Variants in IL1RAPL2 observed in about 807,000 individuals in gnomAD.
The protein encoded by IL1RAPL2 is X-linked interleukin-1 receptor accessory protein-like 2.
In IL1RAPL2, 3 loss-of-function variants were observed where a neutral mutation model predicts 44.1. The observed-to-expected ratio is 0.07, with a 90% confidence interval of 0.03 to 0.18. The LOEUF (loss-of-function observed/expected upper bound fraction) is 0.18, where lower values mean the gene tolerates loss of function less well. IL1RAPL2 is among the 10% of genes least tolerant of loss of function. The pLI, the probability that IL1RAPL2 is intolerant of heterozygous loss-of-function variation, is 1.00. For synonymous variants in IL1RAPL2, 181 were observed against 178.8 expected, an observed-to-expected ratio of 1.01 and a Z score of -0.10; for missense variants, 391 against 496.4, an observed-to-expected ratio of 0.79 and a Z score of 2.02.
chrX:105,425,039 G>T (rs1032897540), intron 5 of IL1RAPL2, among the ~76,000 whole-genome samples: 5 of 110,444 alleles, frequency 4.5e-5, no homozygotes, highest in African/African-American at 1.7e-4. Context: ...AAGAAATCCA[G>T]GGCAGCTACT....
chrX:104,812,525 G>T (rs906986899), intron 2 of IL1RAPL2, among the ~76,000 whole-genome samples: 1 of 108,407 alleles, frequency 9.2e-6, no homozygotes, highest in Non-Finnish European at 1.9e-5. Flanking sequence ...AGATTGTTCT[G>T]TTTTTTTTTC....
chrX:104,701,345 C>T (rs1173803888), intron 2 of IL1RAPL2, among the ~76,000 whole-genome samples: 1 of 111,808 alleles, frequency 8.9e-6, no homozygotes, highest in Non-Finnish European at 1.9e-5. Flanking sequence ...CTCAAAGTCA[C>T]AGAGCTAGTA....
Position 104,904,669 on chromosome X carries a change from A to T in IL1RAPL2, c.82+245674A>T, listed in dbSNP as rs780720586. On this transcript the variant is annotated intron_variant, in intron 2 of 10. Coordinates refer to ENST00000372582, the MANE Select transcript of IL1RAPL2 (RefSeq NM_017416.2). Reference sequence around the variant, plus strand: ...ATGGCTGCATAGTATTCCATGGTGTATATGTGCCACATTTTCTCAATCCAG... The same window carrying T: ...ATGGCTGCATAGTATTCCATGGTGTTTATGTGCCACATTTTCTCAATCCAG... Among the ~76,000 whole-genome samples the T allele has an allele frequency of 2.5e-3, 280 of 110,059 alleles. 6 individuals carry two copies. Among genetic ancestry groups the T allele is most frequent in the Admixed American group, 0.025 (255 of 10,287 alleles).
intron 2 of IL1RAPL2, among the ~76,000 whole-genome samples, chrX:104,896,132 A>G (rs1219793257): frequency 1.8e-5 from 2 of 111,311 alleles, no homozygotes; most frequent in East Asian, 5.7e-4. Flanking sequence ...AAACTCTTAT[A>G]CCAACCTCTG....
chrX:104,669,652 T>C (rs1930554826), intron 2 of IL1RAPL2, among the ~76,000 whole-genome samples: 1 of 111,659 alleles, frequency 9.0e-6, no homozygotes, highest in Non-Finnish European at 1.9e-5. Context: ...TGTTGGTTTT[T>C]TGTTCATCTA....
intron 2 of IL1RAPL2, among the ~76,000 whole-genome samples, chrX:105,110,840 G>C (rs1308196431): frequency 9.0e-5 from 10 of 111,151 alleles, no homozygotes; most frequent in Non-Finnish European, 1.9e-4. Flanking sequence ...GGGAGGCCAA[G>C]GCAGGAGAAC....
At chrX:105,299,822 C>T (rs116384614) in intron 5 of IL1RAPL2, among the ~76,000 whole-genome samples, 4,025 of 111,653 alleles carry the variant, frequency 0.036, 202 homozygotes, top group African/African-American at 0.12. Context: ...CTGTTTGGAA[C>T]GCGGCATGCA....
chrX:105,583,355 C>T (rs752532792), intron 6 of IL1RAPL2, among the ~76,000 whole-genome samples: 1 of 110,637 alleles, frequency 9.0e-6, no homozygotes, highest in South Asian at 3.9e-4. Context: ...AGGATGGTCT[C>T]GATCTCCTCA....
Position 105,311,352 on chromosome X carries a change from G to T in IL1RAPL2, c.697+43811G>T, listed in dbSNP as rs190994408. ...GTGTATTTTCAATTTGTCCCATCTG[G>T]TTTTTTTTTCTGCTCTGTTTTTCCC... On this transcript the variant is annotated intron_variant, in intron 5 of 10. Transcript: ENST00000372582. Among the ~76,000 whole-genome samples, 114 of 106,144 alleles carry T rather than the reference G, an allele frequency of 1.1e-3. 1 individual carries two copies. Among genetic ancestry groups the T allele is most frequent in the African/African-American group, 3.3e-3 (97 of 29,375 alleles). The allele number at this position is 106,144 out of a possible 115,157, so 92.2% of individuals were successfully genotyped here. A position where few individuals can be genotyped will look rare whatever the true frequency, so the allele number is the denominator to read the frequency against.
rs139857118 is a variant in IL1RAPL2 at position 105,760,635 on chromosome X, T to C, written c.1363+5288T>C. Among the ~76,000 whole-genome samples the C allele has an allele frequency of 2.7e-5, 3 of 112,103 alleles. No homozygotes were observed. The East Asian group carries it at 8.5e-4, about 32-fold the overall frequency. ...TGAAATGTGAAAGTACAGGATTCAT[T>C]ACTAGCAATATAGCCTCCAAACTCA... On this transcript the variant is annotated intron_variant, in intron 10 of 10. Coordinates refer to ENST00000372582, the MANE Select transcript of IL1RAPL2 (RefSeq NM_017416.2).
chrX:105,735,833 A>G (rs186012054), intron 7 of IL1RAPL2, among the ~76,000 whole-genome samples: 1 of 111,583 alleles, frequency 9.0e-6, no homozygotes, highest in Non-Finnish European at 1.9e-5. Flanking sequence ...TAAATATTGG[A>G]AAAGAATCAT....
In IL1RAPL2 at chrX:105,217,284, G is replaced by C. The variant is rs1378019320; in HGVS notation, c.357-16534G>C. On this transcript the variant is annotated intron_variant, in intron 3 of 10. Coordinates refer to ENST00000372582, the MANE Select transcript of IL1RAPL2 (RefSeq NM_017416.2). ...AAAAAACAAACAACCCCATCAAAAA[G>C]TGGGTGAAGGACATGAACAGACACT... is the stretch of plus-strand genomic sequence containing the variant. Among the ~76,000 whole-genome samples the C allele has an allele frequency of 2.7e-5, 3 of 111,578 alleles. No individual in the cohort carries two copies. The Admixed American group carries it at 2.8e-4, about 11-fold the overall frequency.
chrX:105,185,813 A>T (rs2033580060), intron 2 of IL1RAPL2, among the ~76,000 whole-genome samples: 1 of 111,992 alleles, frequency 8.9e-6, no homozygotes, highest in Admixed American at 9.5e-5. Flanking sequence ...CCAAAGGTTA[A>T]TTTCCAGCTA....
At chrX:104,768,642 G>A (rs1932593673) in intron 2 of IL1RAPL2, among the ~76,000 whole-genome samples, 1 of 111,155 alleles carries the variant, frequency 9.0e-6, no homozygotes, top group Non-Finnish European at 1.9e-5. Context: ...GTGATCTGGA[G>A]CAAGGGATGT....
At chrX:104,653,346 G>T (rs1186825552) in intron 1 of IL1RAPL2, among the ~76,000 whole-genome samples, 1 of 111,138 alleles carries the variant, frequency 9.0e-6, no homozygotes, top group Non-Finnish European at 1.9e-5. Flanking sequence ...CCCATATATG[G>T]CTGTGTGTTG....
At chrX:105,220,368 G>A (rs368896806) in intron 3 of IL1RAPL2, 51 of 1,192,662 alleles carry the variant, frequency 4.3e-5, no homozygotes, top group Non-Finnish European at 5.1e-5. Context: ...GCCGGAACCC[G>A]CTACTGGGGT....
At chrX:105,710,441 C>T (rs751471454) in intron 6 of IL1RAPL2, among the ~76,000 whole-genome samples, 1 of 104,890 alleles carries the variant, frequency 9.5e-6, no homozygotes, top group Non-Finnish European at 2.0e-5. Context: ...TTTCATCTCC[C>T]TTGTATCTTA....
intron 2 of IL1RAPL2, among the ~76,000 whole-genome samples, chrX:104,676,453 T>A (rs974615270): frequency 8.9e-6 from 1 of 112,172 alleles, no homozygotes; most frequent in Non-Finnish European, 1.9e-5. Flanking sequence ...CTTATAGAGT[T>A]TCTGCTGAGA....
In IL1RAPL2 at chrX:105,183,068, G is replaced by A. The variant is rs781861477; in HGVS notation, c.83-12407G>A. ...GGCATCCTCGGCACTGTGGCGAGTGGAGGGTGGTGTTTCAGACTGGGTGGG... is the reference window on the plus strand; with the variant it reads ...GGCATCCTCGGCACTGTGGCGAGTGAAGGGTGGTGTTTCAGACTGGGTGGG... On this transcript the variant is annotated intron_variant, in intron 2 of 10. Coordinates refer to ENST00000372582, the MANE Select transcript of IL1RAPL2 (RefSeq NM_017416.2). Among the ~76,000 whole-genome samples the A allele has an allele frequency of 4.5e-5, 5 of 111,264 alleles. No homozygotes were observed. The East Asian group carries it at 1.4e-3, about 32-fold the overall frequency.
Sources: gnomAD v4.1 joint callset for allele counts (sites outside exome capture counted in the v4.1 genomes callset) on GRCh38, gnomAD v4.1.1 for gene constraint, MANE v1.5 for transcripts, NCBI Gene and HGNC (gene_info 2026-07-23, HGNC 2026-07-21) for gene names.